GNB1: variants seen among roughly 807,000 people sequenced by gnomAD.
The protein encoded by GNB1 is guanine nucleotide-binding protein G(I)/G(S)/G(T) subunit beta-1.
A neutral mutation model predicts 42.9 loss-of-function variants in GNB1; 2 were observed. That is an observed-to-expected ratio of 0.05 (90% CI 0.02 to 0.15). GNB1 has a LOEUF of 0.15. Ranked by LOEUF, GNB1 falls within the 10% of genes least tolerant of loss-of-function variation. GNB1 has a pLI of 1.00. For synonymous variants in GNB1, 183 were observed against 174.7 expected (o/e 1.05, Z -0.38); for missense variants, 193 against 462.2 (o/e 0.42, Z 5.34).
intron 1 of GNB1, among the ~76,000 whole-genome samples, chr1:1,877,410 GAAGA>G (rs1017515221): frequency 3.4e-4 from 51 of 151,042 alleles, no homozygotes; most frequent in Middle Eastern, 3.4e-3. Flanking sequence ...CAAAACACTA[GAAGA>G]AATATAATAA....
At chr1:1,871,848 G>C (rs1649267848) in intron 1 of GNB1, among the ~76,000 whole-genome samples, 1 of 152,020 alleles carries the variant, frequency 6.6e-6, no homozygotes, top group Admixed American at 6.6e-5. Flanking sequence ...TCAGCAACCT[G>C]GCTGACTCTA....
intron 1 of GNB1, among the ~76,000 whole-genome samples, chr1:1,876,728 A>G (rs1391585683): frequency 1.3e-5 from 2 of 152,210 alleles, no homozygotes; most frequent in African/African-American, 2.4e-5. Flanking sequence ...GCGGTACTGG[A>G]AGCTAACACT....
chr1:1,826,924 T>TAACA (rs1243555022), intron 2 of GNB1, among the ~76,000 whole-genome samples: 1 of 152,208 alleles, frequency 6.6e-6, no homozygotes. Flanking sequence ...GACTCAAGTA[T>TAACA]AACAAAGCTG....
chr1:1,843,554 G>A (rs1647443086), intron 1 of GNB1, among the ~76,000 whole-genome samples: 1 of 152,186 alleles, frequency 6.6e-6, no homozygotes, highest in Admixed American at 6.5e-5. Flanking sequence ...AGATTGCCCT[G>A]TGGCTCAAAT....
In GNB1 at chr1:1,846,892, T is replaced by C. The variant is rs556420236; in HGVS notation, c.-95-7654A>G. On this transcript the variant is annotated intron_variant, in intron 1 of 11. Coordinates refer to ENST00000378609, the MANE Select transcript of GNB1 (RefSeq NM_002074.5). ...AAGGACTTAAAGCTAGAGAATTTAA[T>C]GCCAGCAAAAGGGTGGCTTGATCAG... is the stretch of plus-strand genomic sequence containing the variant. Among the ~76,000 whole-genome samples, 7 of 152,248 alleles carry C rather than the reference T, an allele frequency of 4.6e-5. No homozygotes were observed. In the East Asian group the frequency reaches 5.8e-4, roughly 13 times the overall value.
intron 7 of GNB1, among the ~76,000 whole-genome samples, chr1:1,800,928 G>A (rs1439799741): frequency 1.3e-5 from 2 of 152,244 alleles, no homozygotes; most frequent in African/African-American, 4.8e-5. Flanking sequence ...CTTGTTCCGG[G>A]TAGGGCTCCC....
At chr1:1,859,734 C>T (rs529335873) in intron 1 of GNB1, among the ~76,000 whole-genome samples, 7 of 148,938 alleles carry the variant, frequency 4.7e-5, no homozygotes, top group African/African-American at 1.7e-4. Context: ...GCAGGCCGGG[C>T]GCGGTGGCTC....
At chr1:1,794,670 CA>C (rs776280781) in intron 7 of GNB1, among the ~76,000 whole-genome samples, 11 of 152,168 alleles carry the variant, frequency 7.2e-5, no homozygotes, top group Non-Finnish European at 1.3e-4. Context: ...ACAGAGAAAA[CA>C]AAGCATTTAT....
rs913685265 is a variant in GNB1 at position 1,786,246 on chromosome 1, A to T, written c.*817T>A. 2.5e-6 allele frequency: 1 copy of T among 394,254 alleles called. No homozygotes were observed. Among genetic ancestry groups the T allele is most frequent in the Non-Finnish European group, 4.5e-6 (1 of 223,730 alleles). 24.4% of individuals were successfully genotyped at this position (394,254 alleles called of 1,614,324 possible). A position where few individuals can be genotyped will look rare whatever the true frequency, so the allele number is the denominator to read the frequency against. ...CTATTATAAACTTCCCTCCAACTTC[A>T]CAAGGAAACCCAAAGTGAGATTAAA... On this transcript the variant is annotated 3_prime_UTR_variant, in exon 12 of 12. Coordinates refer to ENST00000378609, the MANE Select transcript of GNB1 (RefSeq NM_002074.5).
At chr1:1,793,509 G>C (rs1054835391) in intron 7 of GNB1, 198 bp from the exon 8 acceptor site, 24 of 460,138 alleles carry the variant, frequency 5.2e-5, no homozygotes, top group African/African-American at 4.7e-4. Context: ...AGCCTGGCCA[G>C]GCAGGACAGC....
intron 3 of GNB1, 168 bp from the exon 4 acceptor site, chr1:1,818,043 C>T (rs1646880672): frequency 1.0e-5 from 6 of 586,828 alleles, no homozygotes; most frequent in South Asian, 5.3e-5. Context: ...GGTCTACTAC[C>T]ATCTGTGGAC....
intron 5 of GNB1, 113 bp from the exon 6 acceptor site, chr1:1,806,651 G>T: frequency 1.6e-6 from 1 of 628,116 alleles, no homozygotes; most frequent in Non-Finnish European, 2.8e-6. Context: ...TGTTACATGT[G>T]CTTCAGACAA....
intron 8 of GNB1, among the ~76,000 whole-genome samples, chr1:1,791,955 A>G (rs1266867317): frequency 1.3e-5 from 2 of 151,972 alleles, no homozygotes; most frequent in Non-Finnish European, 2.9e-5. Flanking sequence ...TTTGCTGACA[A>G]GTTGGTTAAG....
chr1:1,824,801 C>T (rs1392074526), intron 3 of GNB1, among the ~76,000 whole-genome samples: 1 of 151,888 alleles, frequency 6.6e-6, no homozygotes, highest in African/African-American at 2.4e-5. Flanking sequence ...CTCGAACTCC[C>T]GACCTCAGGT....
chr1:1,804,984 AC>A (rs1362511329), intron 6 of GNB1, among the ~76,000 whole-genome samples: 1 of 151,726 alleles, frequency 6.6e-6, no homozygotes, highest in Non-Finnish European at 1.5e-5. Context: ...ACATGGTGAA[AC>A]CCCATGTCTC....
rs149006453 is a variant in GNB1, at chr1:1,818,197, C to A, written c.58-322G>T. 5.6e-3 allele frequency: 1,244 copies of A among 223,970 alleles called. 17 individuals are homozygous for A. The highest frequency in any genetic ancestry group is 0.025 in the African/African-American group (1,138 of 45,016). The allele number at this position is 223,970 out of a possible 1,614,324, so 13.9% of individuals were successfully genotyped here. ...GGGCAGCACCCACACACCCGGGACC[C>A]TGGTGCTGCCTGTGCCCTCACTGCT... On this transcript the variant is annotated intron_variant, in intron 3 of 11. Transcript: ENST00000378609.
intron 1 of GNB1, among the ~76,000 whole-genome samples, chr1:1,882,469 A>G (rs1162558545): frequency 2.6e-5 from 4 of 151,324 alleles, no homozygotes; most frequent in Non-Finnish European, 5.9e-5. Context: ...GTGCTAAGTC[A>G]ACATCTGTTA....
At position 1,785,821 on chromosome 1, in the gene GNB1, A is replaced by C; in HGVS notation, c.*1242T>G. On this transcript the variant is annotated 3_prime_UTR_variant, in exon 12 of 12. Coordinates refer to ENST00000378609, the MANE Select transcript of GNB1 (RefSeq NM_002074.5). ...AACAGAACTTTTTTTTTTTTAAAGAAATAAAGAAAACAGTGACTTATCCCG... is the reference window on the plus strand; with the variant it reads ...AACAGAACTTTTTTTTTTTTAAAGACATAAAGAAAACAGTGACTTATCCCG... 2.5e-6 allele frequency: 1 copy of C among 394,872 alleles called. No individual in the cohort carries two copies. Among genetic ancestry groups the C allele is most frequent in the Non-Finnish European group, 4.5e-6 (1 of 224,116 alleles). 24.5% of individuals were successfully genotyped at this position (394,872 alleles called of 1,614,324 possible).
At chr1:1,844,328 T>C (rs962057760) in intron 1 of GNB1, among the ~76,000 whole-genome samples, 1 of 151,300 alleles carries the variant, frequency 6.6e-6, no homozygotes, top group African/African-American at 2.4e-5. Context: ...GACAGGGAGG[T>C]TGCAGTGAGC....
Sources: allele counts gnomAD v4.1 joint callset (sites outside exome capture counted in the v4.1 genomes callset), GRCh38; gene constraint gnomAD v4.1.1; transcripts MANE v1.5; gene names NCBI Gene and HGNC (gene_info 2026-07-23, HGNC 2026-07-21).